Variants in EPHX1 observed in about 807,000 individuals in gnomAD.
EPHX1 encodes epoxide hydrolase 1.
In EPHX1, 40 loss-of-function variants were observed where a neutral mutation model predicts 43.2. The ratio of observed to expected loss-of-function variants is 0.93; its 90% CI spans 0.72 to 1.21. The LOEUF (loss-of-function observed/expected upper bound fraction) is 1.21, where lower values mean the gene tolerates loss of function less well. Among genes scored for constraint, EPHX1 ranks in the 50% most tolerant of loss-of-function variants. The pLI, the probability that EPHX1 is intolerant of heterozygous loss-of-function variation, is 0.00. For synonymous variants in EPHX1, 221 were observed against 226.7 expected (o/e 0.98, Z 0.22); for missense variants, 550 against 570.4 (o/e 0.96, Z 0.36).
rs1165431052 is a variant in EPHX1, at chr1:225,839,890, C to A, written c.784C>A (p.Leu262Ile). 6.2e-7 allele frequency: 1 copy of A among 1,614,238 alleles called. No homozygotes were observed. Among genetic ancestry groups the A allele is most frequent in the South Asian group, 1.1e-5 (1 of 91,090 alleles). ...TTTAAGCAACTTCTCTACCCTGACC[C>A]TCCTCCTGGGACAGCGTTTCGGGAG... is the stretch of plus-strand genomic sequence containing the variant. ...LVLSNFSTLT[L>I]LLGQRFGRFL... is the part of the protein sequence containing the mutation. Residue 262 changes from leucine to isoleucine, a missense_variant, in exon 6 of 9, where the codon CTC (leucine) becomes ATC (isoleucine). Physicochemically the swap from Leu to Ile is conservative, Grantham distance 5. Coordinates refer to ENST00000272167, the MANE Select transcript of EPHX1 (RefSeq NM_001136018.4).
intron 1 of EPHX1, among the ~76,000 whole-genome samples, chr1:225,827,289 T>C (rs1456681596): frequency 6.6e-6 from 1 of 152,132 alleles, no homozygotes; most frequent in Non-Finnish European, 1.5e-5. Flanking sequence ...TGCAGGGGCC[T>C]TGTCAGAACT....
intron 6 of EPHX1, 134 bp downstream of exon 6, chr1:225,840,171 G>C (rs1416615685): frequency 1.2e-6 from 1 of 812,970 alleles, no homozygotes; most frequent in East Asian, 2.7e-5. Flanking sequence ...CAGCTCTTTA[G>C]ATCTTTAAAC....
chr1:225,815,943 T>C (rs533599516), intron 1 of EPHX1, among the ~76,000 whole-genome samples: 4 of 152,308 alleles, frequency 2.6e-5, no homozygotes, highest in East Asian at 1.9e-4. Context: ...AAGTGTGTTA[T>C]ATGATCTGCT....
intron 4 of EPHX1, 62 bp from the exon 5 acceptor site, chr1:225,839,155 A>G: frequency 1.9e-6 from 3 of 1,611,954 alleles, no homozygotes; most frequent in Non-Finnish European, 2.5e-6. Flanking sequence ...AGAACACCAG[A>G]GGGCCCAAGG....
intron 2 of EPHX1, 40 bp downstream of exon 2, chr1:225,828,952 G>C (rs1394287548): frequency 3.2e-6 from 5 of 1,551,642 alleles, no homozygotes; most frequent in Non-Finnish European, 4.4e-6. Flanking sequence ...GCAGTGGAGA[G>C]GGTGGTGTGT....
chr1:225,845,202 C>A lies in EPHX1; in HGVS notation c.1223C>A (p.Thr408Lys). The A allele has an allele frequency of 6.2e-7, 1 of 1,614,166 alleles. No individual in the cohort carries two copies. Among genetic ancestry groups the A allele is most frequent in the Non-Finnish European group, 8.5e-7 (1 of 1,180,034 alleles). The stretch of plus-strand genomic sequence containing the variant: ...GCCTTCCCTTTTGAGCTATTGCACA[C>A]GCCTGAAAAGTGGGTGAGGTTCAAG... The part of the protein sequence containing the change: ...FSAFPFELLH[T>K]PEKWVRFKYP... The change falls in exon 9 of 9, where the codon ACG becomes AAG. Residue 408 changes from threonine to lysine, a missense_variant. Thr to Lys is a moderately conservative substitution (Grantham distance 78). Transcript: ENST00000272167.
chr1:225,810,928 A>G (rs1378775258), intron 1 of EPHX1, among the ~76,000 whole-genome samples: 2 of 152,210 alleles, frequency 1.3e-5, no homozygotes, highest in South Asian at 2.1e-4. Flanking sequence ...CTGGATGTGT[A>G]GGTGCAGGCC....
intron 3 of EPHX1, among the ~76,000 whole-genome samples, chr1:225,833,578 G>C (rs1403112417): frequency 1.3e-5 from 2 of 150,518 alleles, no homozygotes; most frequent in Non-Finnish European, 3.0e-5. Context: ...GGTGGATCAC[G>C]AGGTCAGGAG....
chr1:225,812,635 G>A (rs528305442), intron 1 of EPHX1, among the ~76,000 whole-genome samples: 7 of 152,216 alleles, frequency 4.6e-5, no homozygotes, highest in African/African-American at 1.2e-4. Flanking sequence ...CTTGATTCCC[G>A]TTCTGGTATC....
At chr1:225,836,785 G>T (rs1350233567) in intron 3 of EPHX1, among the ~76,000 whole-genome samples, 1 of 152,194 alleles carries the variant, frequency 6.6e-6, no homozygotes, top group African/African-American at 2.4e-5. Context: ...AGGGGCTGGG[G>T]AATAGGGGAA....
intron 1 of EPHX1, among the ~76,000 whole-genome samples, chr1:225,815,324 CA>C (rs555017628): frequency 0.015 from 2,038 of 136,478 alleles, 418 homozygotes; most frequent in Non-Finnish European, 0.025. Flanking sequence ...CAGCTGTCTG[CA>C]AACTCCGCCC....
chr1:225,832,111 CA>C, intron 3 of EPHX1, 152 bp downstream of exon 3: 1 of 811,930 alleles, frequency 1.2e-6, no homozygotes, highest in Non-Finnish European at 2.0e-6. Context: ...TTACTAAATG[CA>C]AAAATATTGC....
At position 225,817,239 on chromosome 1, in the gene EPHX1, C is replaced by T. The variant is rs1666766424; in HGVS notation, c.-6+7070C>T. ...GGCTGAGGGAGAAGCTGGGAGTTCC[C>T]CCCAGGGTTTGCCTCCGTCACTCTT... On this transcript the variant is annotated intron_variant, in intron 1 of 8. Coordinates refer to ENST00000272167, the MANE Select transcript of EPHX1 (RefSeq NM_001136018.4). The surrounding 1 kb of genome is among the most constrained non-coding windows in gnomAD (Gnocchi z 5.7). Among the ~76,000 whole-genome samples, 1 of 152,174 alleles carries T rather than the reference C, an allele frequency of 6.6e-6. No individual in the cohort carries two copies. Among genetic ancestry groups the T allele is most frequent in the Non-Finnish European group, 1.5e-5 (1 of 68,018 alleles).
intron 7 of EPHX1, among the ~76,000 whole-genome samples, chr1:225,843,225 C>T (rs1668582862): frequency 2.0e-5 from 3 of 151,972 alleles, no homozygotes; most frequent in South Asian, 2.1e-4. Context: ...TTTGTCTAAG[C>T]GGCAGAGAGG....
intron 1 of EPHX1, among the ~76,000 whole-genome samples, chr1:225,826,682 C>T (rs534420838): frequency 2.0e-5 from 3 of 152,242 alleles, no homozygotes; most frequent in South Asian, 4.1e-4. Context: ...ATTCCCAGGA[C>T]GAAGGCTGCA....
chr1:225,838,406 G>A (rs1668083971), intron 3 of EPHX1, among the ~76,000 whole-genome samples: 1 of 152,220 alleles, frequency 6.6e-6, no homozygotes, highest in South Asian at 2.1e-4. Flanking sequence ...CACCTCTAAG[G>A]AAACCGGGAG....
chr1:225,812,655 G>A (rs1666541417), intron 1 of EPHX1, among the ~76,000 whole-genome samples: 1 of 152,312 alleles, frequency 6.6e-6, no homozygotes, highest in African/African-American at 2.4e-5. Flanking sequence ...CTTGGCCCAG[G>A]CCCAGACATG....
chr1:225,836,811 G>A (rs918822365), intron 3 of EPHX1, among the ~76,000 whole-genome samples: 4 of 152,202 alleles, frequency 2.6e-5, no homozygotes, highest in Admixed American at 6.5e-5. Flanking sequence ...ATTGCTGATC[G>A]TTGCTGTGTA....
intron 7 of EPHX1, 40 bp from the exon 8 acceptor site, chr1:225,844,457 AT>A (rs781613747): frequency 0.042 from 68,310 of 1,613,566 alleles, 1,618 homozygotes; most frequent in Middle Eastern, 0.064. Flanking sequence ...ACACAACTGC[AT>A]GTGGCACTGA....
Sources: allele counts gnomAD v4.1 joint callset (sites outside exome capture counted in the v4.1 genomes callset), GRCh38; gene constraint gnomAD v4.1.1; non-coding constraint Gnocchi (gnomAD v3.1); transcripts MANE v1.5; gene names NCBI Gene and HGNC (gene_info 2026-07-23, HGNC 2026-07-21).